Variants in MYLK2 observed in about 807,000 individuals in gnomAD.
MYLK2 encodes myosin light chain kinase 2, also known as myosin light chain kinase 2, skeletal/cardiac muscle.
Under a neutral mutation model 58.2 loss-of-function variants are expected in MYLK2, and 27 were observed. That is an observed-to-expected ratio of 0.46 (90% confidence interval 0.34 to 0.64). MYLK2 has a LOEUF of 0.64. Among genes scored for constraint, MYLK2 ranks in the 30% least tolerant of loss-of-function variants. The pLI is 0.01. For missense variants in MYLK2, 676 were observed against 764.3 expected (o/e 0.88, Z 1.36); for synonymous variants, 310 against 296.7 (o/e 1.04, Z -0.46).
chr20:31,820,440 C>T lies in MYLK2; in HGVS notation c.367C>T (p.Pro123Ser), dbSNP rs772075571. ...GCAGGGAGCCTCAGGCAGCCAGGATCCTGGAAAGCCCAGGGTGGGCAAGAA... is the reference window on the plus strand; with the variant it reads ...GCAGGGAGCCTCAGGCAGCCAGGATTCTGGAAAGCCCAGGGTGGGCAAGAA... The part of the protein sequence containing the change: ...AEQGASGSQD[P>S]GKPRVGKKAA... The change falls in exon 3 of 13, where the codon CCT becomes TCT. Residue 123 changes from proline (P) to serine (S), a missense_variant. Pro to Ser is a moderately conservative substitution (Grantham distance 74). Transcript: ENST00000375985. The T allele has an allele frequency of 2.3e-5, 37 of 1,612,670 alleles. 2 individuals are homozygous for T. The South Asian group carries it at 4.0e-4, about 17-fold the overall frequency.
At chr20:31,823,035 G>A (rs541741968) in intron 4 of MYLK2, among the ~76,000 whole-genome samples, 10 of 152,342 alleles carry the variant, frequency 6.6e-5, no homozygotes, top group Non-Finnish European at 1.5e-4. Flanking sequence ...CCCCGCCATG[G>A]GTGGTCTGGC....
chr20:31,820,014 T>C, intron 2 of MYLK2, 112 bp from the exon 3 acceptor site: 1 of 1,371,122 alleles, frequency 7.3e-7, no homozygotes. Context: ...GACAAGCATT[T>C]GCAAGTTGTT....
chr20:31,823,995 T>C (rs2062265664), intron 5 of MYLK2: 2 of 984,440 alleles, frequency 2.0e-6, no homozygotes, highest in African/African-American at 3.5e-5. Context: ...AAGGGTCGCA[T>C]CCCAGGGCCA....
intron 12 of MYLK2, among the ~76,000 whole-genome samples, chr20:31,832,543 G>T (rs568182587): frequency 1.8e-4 from 27 of 152,134 alleles, no homozygotes; most frequent in Middle Eastern, 3.4e-3. Flanking sequence ...CCCAGGCTGG[G>T]GTACAATGGC....
chr20:31,828,376 A>G, intron 8 of MYLK2: 3 of 985,372 alleles, frequency 3.0e-6, no homozygotes, highest in African/African-American at 1.7e-5. Context: ...GCGCGTGAGC[A>G]CCCATCAGCA....
intron 2 of MYLK2, 22 bp downstream of exon 2, chr20:31,819,654 TGGAG>T: frequency 6.4e-7 from 1 of 1,551,088 alleles, no homozygotes; most frequent in South Asian, 1.2e-5. Context: ...GGGCAGGAGA[TGGAG>T]GGAGGAGCTT....
chr20:31,832,157 G>C, intron 12 of MYLK2, 21 bp downstream of exon 12: 5 of 1,591,744 alleles, frequency 3.1e-6, no homozygotes, highest in Non-Finnish European at 4.3e-6. Context: ...ATTCAGGGTG[G>C]GGAGGGAGGG....
In MYLK2 at chr20:31,826,643, G is replaced by A; in HGVS notation, c.1011G>A (p.Leu337=). 1 of 1,614,032 alleles carries A rather than the reference G, an allele frequency of 6.2e-7. No individual in the cohort carries two copies. The highest frequency in any genetic ancestry group is 8.5e-7 in the Non-Finnish European group (1 of 1,179,998). ...TGGAGATTGAGGTCATGAACCAGCTGAACCACCGCAATCTGATCCAGCTGT... is the reference window on the plus strand; with the variant it reads ...TGGAGATTGAGGTCATGAACCAGCTAAACCACCGCAATCTGATCCAGCTGT... ...VLLEIEVMNQ[L]NHRNLIQLYA... Residue 337 remains leucine, a synonymous_variant, in exon 7 of 13, where the codon CTG becomes CTA. Transcript: ENST00000375985.
rs2062323834 is a variant in MYLK2, at chr20:31,834,461, AG to A, written c.*666del. The A allele has an allele frequency of 6.5e-6, 1 of 153,214 alleles. No individual in the cohort carries two copies. The highest frequency in any genetic ancestry group is 1.5e-5 in the Non-Finnish European group (1 of 68,572). The allele number at this position is 153,214 out of a possible 1,614,324, so 9.5% of individuals were successfully genotyped here. A position where few individuals can be genotyped will look rare whatever the true frequency, so the allele number is the denominator to read the frequency against. On this transcript the variant is annotated 3_prime_UTR_variant, in exon 13 of 13. Coordinates refer to ENST00000375985, the MANE Select transcript of MYLK2 (RefSeq NM_033118.4). ...GTGTGAGAGAGAGGGCGCCCAGCCC[AG>A]GCCTGGTGGAGGGGGAGGGGAGAAG...
intron 4 of MYLK2, 144 bp downstream of exon 4, chr20:31,821,881 A>C: frequency 1.5e-6 from 1 of 667,234 alleles, no homozygotes; most frequent in Non-Finnish European, 2.5e-6. Flanking sequence ...GGGTCACACA[A>C]CTCCAGAAAG....
chr20:31,830,010 A>G (rs2062297826), intron 8 of MYLK2, among the ~76,000 whole-genome samples: 1 of 151,998 alleles, frequency 6.6e-6, no homozygotes, highest in African/African-American at 2.4e-5. Flanking sequence ...TGTTATATTC[A>G]CCCCAGAGTG....
At position 31,823,880 on chromosome 20, in the gene MYLK2, C is replaced by T. The variant is rs1003740116; in HGVS notation, c.878+298C>T. 2.9e-5 allele frequency: 27 copies of T among 929,474 alleles called. No individual in the cohort carries two copies. In the African/African-American group the frequency reaches 4.1e-4, roughly 14 times the overall value. 57.6% of individuals were successfully genotyped at this position (929,474 alleles called of 1,614,324 possible). On this transcript the variant is annotated intron_variant, in intron 5 of 12. Transcript: ENST00000375985. ...CCACACTGACCCCCTCATGGTGATT[C>T]CTGCTTTGTAAAAAGCCCTGACTCA... is the stretch of plus-strand genomic sequence containing the variant.
intron 8 of MYLK2, chr20:31,827,302 A>T (rs1289923770): frequency 2.0e-6 from 2 of 985,166 alleles, no homozygotes; most frequent in South Asian, 9.4e-5. Flanking sequence ...TTGGCCCATG[A>T]TAGGTACTAG....
intron 8 of MYLK2, chr20:31,828,406 T>C (rs77600601): frequency 1.0e-6 from 1 of 985,214 alleles, no homozygotes; most frequent in East Asian, 1.1e-4. Flanking sequence ...GTACTTTCAT[T>C]CATTCATTCC....
At chr20:31,825,259 C>T (rs762565407) in intron 6 of MYLK2, among the ~76,000 whole-genome samples, 1 of 152,200 alleles carries the variant, frequency 6.6e-6, no homozygotes, top group Non-Finnish European at 1.5e-5. Flanking sequence ...CGTCCTTTTT[C>T]GTCTCTTCCA....
At chr20:31,822,899 A>G (rs1042921693) in intron 4 of MYLK2, among the ~76,000 whole-genome samples, 4 of 152,044 alleles carry the variant, frequency 2.6e-5, no homozygotes, top group Non-Finnish European at 5.9e-5. Flanking sequence ...GCCTCTTGCT[A>G]TTTATAAAGA....
Position 31,821,680 on chromosome 20 carries a change from G to A in MYLK2, c.715G>A (p.Glu239Lys), listed in dbSNP as rs768716432. 13 of 1,613,088 alleles carry A rather than the reference G, an allele frequency of 8.1e-6. No individual in the cohort carries two copies. Among genetic ancestry groups the A allele is most frequent in the South Asian group, 7.7e-5 (7 of 91,066 alleles). Residue 239 changes from glutamate (E) to lysine (K), a missense_variant, in exon 4 of 13, where the codon GAG becomes AAG. Physicochemically the swap from Glu to Lys is moderately conservative, Grantham distance 56. This residue lies in a region of MYLK2 where 306 missense variants were observed against 296.5 expected (regional missense o/e 1.03). Transcript: ENST00000375985. ...EFQAVPSEKS[E>K]VGQALCLTAR... is the part of the protein sequence containing the mutation. ...CCAGGCTGTTCCCTCAGAGAAATCC[G>A]AGGTGGGGCAGGCCCTCTGTCTCAC...
At chr20:31,826,959 G>A in intron 8 of MYLK2, 21 bp downstream of exon 8, 1 of 1,613,906 alleles carries the variant, frequency 6.2e-7, no homozygotes, top group Non-Finnish European at 8.5e-7. Context: ...GGGGCCTCCT[G>A]GGAAGGGTCA....
At chr20:31,828,555 A>C (rs1163447826) in intron 8 of MYLK2, 1 of 983,154 alleles carries the variant, frequency 1.0e-6, no homozygotes, top group Non-Finnish European at 1.2e-6. Flanking sequence ...GGAAACAGAC[A>C]TTCATAAAAC....
Sources: gnomAD v4.1 joint callset for allele counts (sites outside exome capture counted in the v4.1 genomes callset) on GRCh38, gnomAD v4.1.1 for gene constraint, gnomAD v4.1.1 regional missense constraint, MANE v1.5 for transcripts, NCBI Gene and HGNC (gene_info 2026-07-23, HGNC 2026-07-21) for gene names.